The following TNIP3 variants were observed in gnomAD, a reference collection of about 807,000 sequenced individuals.
TNIP3 encodes the protein TNFAIP3-interacting protein 3.
A neutral mutation model predicts 54.1 loss-of-function variants in TNIP3; 34 were observed. That is an observed-to-expected ratio of 0.63 (90% CI 0.48 to 0.84). The LOEUF is 0.84. Among genes scored for constraint, TNIP3 ranks in the 40% least tolerant of loss-of-function variants. The pLI is 0.00. For synonymous variants in TNIP3, 134 were observed against 136.8 expected, an observed-to-expected ratio of 0.98 and a Z score of 0.14; for missense variants, 366 against 387.6, an observed-to-expected ratio of 0.94 and a Z score of 0.47.
chr4:121,162,891 C>T (rs1333864737), intron 1 of TNIP3, among the ~76,000 whole-genome samples: 2 of 152,120 alleles, frequency 1.3e-5, no homozygotes, highest in East Asian at 3.9e-4. Context: ...GTGATGTAGA[C>T]AAAAATCCGT....
intron 2 of TNIP3, among the ~76,000 whole-genome samples, chr4:121,185,500 T>G (rs1325952515): frequency 6.6e-6 from 1 of 152,230 alleles, no homozygotes; most frequent in Non-Finnish European, 1.5e-5. Flanking sequence ...GCCCCATCTA[T>G]GTCCCAGGAA....
chr4:121,224,714 A>G (rs1365610424), intron 1 of TNIP3, among the ~76,000 whole-genome samples: 1 of 152,120 alleles, frequency 6.6e-6, no homozygotes, highest in Non-Finnish European at 1.5e-5. Flanking sequence ...ATTATAAATA[A>G]AATTTGATTT....
chr4:121,198,923 A>G (rs897560615), intron 2 of TNIP3, among the ~76,000 whole-genome samples: 7 of 152,210 alleles, frequency 4.6e-5, no homozygotes, highest in Non-Finnish European at 1.0e-4. Context: ...ATTAGAGAGG[A>G]TAATGAGAAA....
At chr4:121,223,084 C>T (rs186692010) in intron 1 of TNIP3, among the ~76,000 whole-genome samples, 1 of 152,200 alleles carries the variant, frequency 6.6e-6, no homozygotes, top group East Asian at 1.9e-4. Flanking sequence ...GGATTCCAGG[C>T]GCAAGCCACC....
intron 7 of TNIP3, among the ~76,000 whole-genome samples, chr4:121,146,198 T>C (rs1729421424): frequency 6.6e-6 from 1 of 152,168 alleles, no homozygotes; most frequent in Admixed American, 6.6e-5. Flanking sequence ...AAATTAAGAA[T>C]TTCAAGTTAA....
chr4:121,210,237 A>G (rs897767288), intron 2 of TNIP3, among the ~76,000 whole-genome samples: 2 of 152,196 alleles, frequency 1.3e-5, no homozygotes, highest in Non-Finnish European at 2.9e-5. Context: ...TTTATAATAA[A>G]GAAAGGAAAA....
At chr4:121,211,215 TTAAC>T (rs1371715841) in intron 2 of TNIP3, among the ~76,000 whole-genome samples, 2 of 152,124 alleles carry the variant, frequency 1.3e-5, no homozygotes, top group African/African-American at 4.8e-5. Flanking sequence ...ATGATCCAAT[TTAAC>T]TAACAGAGCA....
At chr4:121,172,273 A>G (rs1724014308) in intron 3 of TNIP3, among the ~76,000 whole-genome samples, 1 of 152,204 alleles carries the variant, frequency 6.6e-6, no homozygotes, top group African/African-American at 2.4e-5. Flanking sequence ...GCAGAGCCAG[A>G]GATTTCCTAT....
chr4:121,161,213 C>G lies in TNIP3; in HGVS notation c.70G>C (p.Ala24Pro), dbSNP rs774778859. ...AESSTEHKEC[A>P]EPSTRKNLMN... The stretch of plus-strand genomic sequence containing the variant: ...AAGTTCTTTCTTGTTGATGGTTCAG[C>G]ACACTTAGAAAAAAAAAAAGAGAGA... The change falls in exon 2 of 11, where the codon GCT (alanine) becomes CCT (proline). Residue 24 changes from alanine (A) to proline (P), a missense_variant. Coordinates refer to ENST00000057513, the MANE Select transcript of TNIP3 (RefSeq NM_024873.6). 2.6e-6 allele frequency: 4 copies of G among 1,567,832 alleles called. No individual in the cohort carries two copies. Among genetic ancestry groups the G allele is most frequent in the Non-Finnish European group, 3.5e-6 (4 of 1,156,344 alleles).
chr4:121,178,380 C>T (rs1877167), intron 3 of TNIP3, among the ~76,000 whole-genome samples: 69,678 of 152,102 alleles, frequency 0.46, 18,123 homozygotes, highest in East Asian at 0.73. Context: ...AGGACTCTGA[C>T]CCTCCGGCAA....
intron 6 of TNIP3, 97 bp from the exon 7 acceptor site, chr4:121,147,271 T>C: frequency 7.0e-7 from 1 of 1,432,800 alleles, no homozygotes; most frequent in Non-Finnish European, 9.3e-7. Context: ...TCCATTATTG[T>C]AAAGAACCCT....
intron 7 of TNIP3, among the ~76,000 whole-genome samples, chr4:121,146,114 AT>A (rs1171508515): frequency 7.2e-5 from 11 of 151,908 alleles, no homozygotes; most frequent in African/African-American, 2.7e-4. Context: ...AAATTATTTG[AT>A]TTTTTACTAC....
chr4:121,218,267 T>G (rs967128607), upstream of TNIP3, among the ~76,000 whole-genome samples: 3 of 152,160 alleles, frequency 2.0e-5, no homozygotes, highest in African/African-American at 2.4e-5. Flanking sequence ...AAGGGAAATC[T>G]CCAGATTTAA....
chr4:121,185,229 C>A (rs181014745), intron 2 of TNIP3, among the ~76,000 whole-genome samples: 1 of 152,192 alleles, frequency 6.6e-6, no homozygotes, highest in Non-Finnish European at 1.5e-5. Flanking sequence ...CTTCCAGACA[C>A]GTTTGCATCG....
intron 7 of TNIP3, among the ~76,000 whole-genome samples, chr4:121,143,217 C>T (rs542529568): frequency 5.9e-5 from 9 of 152,302 alleles, no homozygotes; most frequent in African/African-American, 2.2e-4. Flanking sequence ...TTAATACTAT[C>T]TCAATTTTAT....
chr4:121,132,755 CA>C (rs35684713), intron 10 of TNIP3, 93 bp from the exon 11 acceptor site: 119,840 of 754,454 alleles, frequency 0.16, no homozygotes, highest in East Asian at 0.25. Flanking sequence ...TCCAGGATGG[CA>C]AAAAAAAAAA....
intron 3 of TNIP3, chr4:121,182,638 G>T (rs941362847): frequency 6.5e-7 from 1 of 1,531,642 alleles, no homozygotes; most frequent in Non-Finnish European, 8.7e-7. Flanking sequence ...ACTGCTGAAG[G>T]GTACATCGAG....
intron 9 of TNIP3, among the ~76,000 whole-genome samples, chr4:121,140,333 C>CA (rs1227401189): frequency 7.4e-5 from 11 of 148,676 alleles, no homozygotes; most frequent in South Asian, 2.1e-4. Context: ...GATGCCTTCT[C>CA]AAAAAAAAAG....
intron 7 of TNIP3, among the ~76,000 whole-genome samples, chr4:121,145,737 A>AT (rs1481839665): frequency 6.6e-6 from 1 of 151,796 alleles, no homozygotes; most frequent in Non-Finnish European, 1.5e-5. Context: ...AAAAACAAAT[A>AT]TTTTTTGTTC....
Sources: allele counts gnomAD v4.1 joint callset (sites outside exome capture counted in the v4.1 genomes callset), GRCh38; gene constraint gnomAD v4.1.1; transcripts MANE v1.5; gene names NCBI Gene and HGNC (gene_info 2026-07-23, HGNC 2026-07-21).